TTC21B: variants seen among roughly 807,000 people sequenced by gnomAD.
TTC21B encodes the protein tetratricopeptide repeat protein 21B.
A neutral mutation model predicts 175.1 loss-of-function variants in TTC21B; 127 were observed. That is an observed-to-expected ratio of 0.73 (90% CI 0.63 to 0.84). TTC21B has a LOEUF of 0.84. Among genes scored for constraint, TTC21B ranks in the 40% least tolerant of loss-of-function variants. TTC21B has a pLI of 0.00. For synonymous variants in TTC21B, 524 were observed against 524.5 expected, an observed-to-expected ratio of 1.00 and a Z score of 0.01; for missense variants, 1,561 against 1,558.3, an observed-to-expected ratio of 1.00 and a Z score of -0.03.
intron 18 of TTC21B, among the ~76,000 whole-genome samples, chr2:165,909,979 G>A (rs533854807): frequency 1.3e-5 from 2 of 152,256 alleles, no homozygotes; most frequent in South Asian, 4.1e-4. Context: ...ATGGGGGCAG[G>A]GAGACTGAAT....
At chr2:165,886,108 T>A (rs1684990468) in intron 25 of TTC21B, among the ~76,000 whole-genome samples, 1 of 152,226 alleles carries the variant, frequency 6.6e-6, no homozygotes, top group Non-Finnish European at 1.5e-5. Context: ...TTTTTCTGCC[T>A]CCCTGACTTT....
intron 6 of TTC21B, among the ~76,000 whole-genome samples, 189 bp downstream of exon 6, chr2:165,940,838 A>T (rs554592527): frequency 1.3e-5 from 2 of 152,298 alleles, no homozygotes; most frequent in South Asian, 4.1e-4. Context: ...TTAAACCAGG[A>T]ATCAAATATT....
chr2:165,938,277 C>T (rs1197952798), intron 6 of TTC21B, among the ~76,000 whole-genome samples: 1 of 151,892 alleles, frequency 6.6e-6, no homozygotes, highest in Non-Finnish European at 1.5e-5. Context: ...TGAACCATAC[C>T]ACTCAGTAAC....
chr2:165,941,531 A>G (rs1687368617), intron 5 of TTC21B, among the ~76,000 whole-genome samples: 1 of 152,158 alleles, frequency 6.6e-6, no homozygotes, highest in Non-Finnish European at 1.5e-5. Context: ...AGTAGCATCT[A>G]AAATTTTAAG....
chr2:165,874,887 G>A (rs929154585), intron 28 of TTC21B, 55 bp from the exon 29 acceptor site: 20 of 1,481,342 alleles, frequency 1.4e-5, no homozygotes, highest in Admixed American at 8.4e-5. Context: ...CAAAAACTAC[G>A]GAGTTACAAA....
intron 19 of TTC21B, among the ~76,000 whole-genome samples, chr2:165,903,698 G>C (rs1685639974): frequency 6.6e-6 from 1 of 152,174 alleles, no homozygotes; most frequent in South Asian, 2.1e-4. Context: ...TAAGACTTGA[G>C]ATTTCCCTAA....
At chr2:165,949,988 T>C (rs1400504506) in intron 1 of TTC21B, 2 of 285,118 alleles carry the variant, frequency 7.0e-6, no homozygotes, top group Admixed American at 4.9e-5. Flanking sequence ...AGCACCGAAA[T>C]GAGGCTGCTT....
intron 24 of TTC21B, among the ~76,000 whole-genome samples, chr2:165,889,453 A>G (rs1306766092): frequency 6.6e-6 from 1 of 151,998 alleles, no homozygotes; most frequent in African/African-American, 2.4e-5. Flanking sequence ...CCAACTATGC[A>G]CTCTGCAGAT....
At chr2:165,937,780 C>A (rs1423001585) in intron 6 of TTC21B, among the ~76,000 whole-genome samples, 2 of 81,268 alleles carry the variant, frequency 2.5e-5, no homozygotes, top group African/African-American at 1.1e-4. Flanking sequence ...ACCACACACA[C>A]ACACACACAC....
chr2:165,922,675 A>G (rs1208819237), intron 12 of TTC21B, among the ~76,000 whole-genome samples: 1 of 152,112 alleles, frequency 6.6e-6, no homozygotes, highest in Admixed American at 6.5e-5. Context: ...AATAGTATGA[A>G]GATTTCTCAA....
At chr2:165,930,732 G>GGTGTGTGTGTGTGTGTGTGTGTGTGTGT in intron 8 of TTC21B, among the ~76,000 whole-genome samples, 79 of 110,882 alleles carry the variant, frequency 7.1e-4, no homozygotes, top group Non-Finnish European at 1.1e-3. Context: ...TGGGTATGGG[G>GGTGTGTGTGTGTGTGTGTGTGTGTGTGT]GTGTGTGTGT....
intron 25 of TTC21B, among the ~76,000 whole-genome samples, chr2:165,884,866 TAAAG>T (rs1480677357): frequency 6.6e-6 from 1 of 152,140 alleles, no homozygotes; most frequent in African/African-American, 2.4e-5. Context: ...GATGCATTTA[TAAAG>T]AAAGAAGCCT....
chr2:165,934,517 A>AAAAAAAAG (rs1553514802), intron 6 of TTC21B, among the ~76,000 whole-genome samples: 80 of 116,560 alleles, frequency 6.9e-4, no homozygotes, highest in African/African-American at 2.5e-3. Context: ...AAAAAAAAAA[A>AAAAAAAAG]AAAAGAAAAG....
intron 26 of TTC21B, among the ~76,000 whole-genome samples, chr2:165,881,388 T>C (rs1382661457): frequency 1.3e-5 from 2 of 152,196 alleles, no homozygotes; most frequent in Non-Finnish European, 2.9e-5. Flanking sequence ...AATTTGTTTT[T>C]GTTAGATTGA....
At chr2:165,952,600 T>C (rs1687791814) in intron 1 of TTC21B, among the ~76,000 whole-genome samples, 1 of 152,216 alleles carries the variant, frequency 6.6e-6, no homozygotes, top group Admixed American at 6.5e-5. Context: ...TTAAAGTGTT[T>C]TTATTAAAAT....
intron 13 of TTC21B, among the ~76,000 whole-genome samples, chr2:165,918,280 G>A (rs1017692700): frequency 7.9e-5 from 12 of 152,124 alleles, no homozygotes; most frequent in African/African-American, 2.7e-4. Flanking sequence ...ACTATCATAA[G>A]AAGCAGGTGA....
chr2:165,936,761 A>G (rs2105354139), intron 6 of TTC21B, among the ~76,000 whole-genome samples: 1 of 152,226 alleles, frequency 6.6e-6, no homozygotes, highest in South Asian at 2.1e-4. Flanking sequence ...CTACAAACCT[A>G]TTAGAATGGC....
intron 15 of TTC21B, among the ~76,000 whole-genome samples, chr2:165,914,669 G>GTGTGTGTGTGTGTA: frequency 7.0e-6 from 1 of 143,574 alleles, no homozygotes; most frequent in African/African-American, 2.8e-5. Context: ...GTGTGTGTGT[G>GTGTGTGTGTGTGTA]TGTGTGTGTG....
At chr2:165,939,181 C>T (rs1309619261) in intron 6 of TTC21B, among the ~76,000 whole-genome samples, 1 of 152,056 alleles carries the variant, frequency 6.6e-6, no homozygotes, top group Non-Finnish European at 1.5e-5. Flanking sequence ...CTTCTGTCTG[C>T]TTTTACATAA....
Sources: allele counts gnomAD v4.1 joint callset (sites outside exome capture counted in the v4.1 genomes callset), GRCh38; gene constraint gnomAD v4.1.1; transcripts MANE v1.5; gene names NCBI Gene and HGNC (gene_info 2026-07-23, HGNC 2026-07-21).